The following PAX8 variants were observed in gnomAD, a reference collection of about 807,000 sequenced individuals.
The protein encoded by PAX8 is paired box protein Pax-8.
PAX8 carries 15 observed loss-of-function variants against 52.4 expected under a neutral mutation model. That is an observed-to-expected ratio of 0.29 (90% confidence interval 0.19 to 0.44). The LOEUF (loss-of-function observed/expected upper bound fraction) is 0.44, where lower values mean the gene tolerates loss of function less well. PAX8 is among the 20% of genes least tolerant of loss of function. The pLI, the probability that PAX8 is intolerant of heterozygous loss-of-function variation, is 1.00. For missense variants in PAX8, 554 were observed against 602.5 expected (o/e 0.92, Z 0.84); for synonymous variants, 284 against 249.7 (o/e 1.14, Z -1.29).
rs369162756 is a variant in PAX8, at chr2:113,244,606, G to A, written c.210C>T (p.Ser70=). ...AGCCCCCTATCACTCCAGGCCGGAT[G>A]CTGCCAGTCTCGTAGTACCTACTCC... ...KILGRYYETG[S]IRPGVIGGSK... The change falls in exon 4 of 12, where the codon AGC becomes AGT. Residue 70 remains serine (S), a synonymous_variant. Coordinates refer to ENST00000429538, the MANE Select transcript of PAX8 (RefSeq NM_003466.4). 3.7e-6 allele frequency: 6 copies of A among 1,614,180 alleles called. No individual in the cohort carries two copies. Among genetic ancestry groups the A allele is most frequent in the Non-Finnish European group, 4.2e-6 (5 of 1,180,006 alleles).
chr2:113,232,372 C>T (rs760720256), intron 9 of PAX8, among the ~76,000 whole-genome samples: 2 of 152,254 alleles, frequency 1.3e-5, no homozygotes, highest in African/African-American at 2.4e-5. Flanking sequence ...AGAGCCTCTG[C>T]CTCTGTGCTG....
At chr2:113,263,592 G>A (rs899774880) in intron 2 of PAX8, 2 of 152,226 alleles carry the variant, frequency 1.3e-5, no homozygotes, top group Non-Finnish European at 2.9e-5. Flanking sequence ...TGCCATCTCG[G>A]AGGCTCAAAT....
At chr2:113,272,559 G>A (rs542712526) in intron 2 of PAX8, 2 of 152,272 alleles carry the variant, frequency 1.3e-5, no homozygotes, top group East Asian at 3.9e-4. Context: ...CCATCCCAGG[G>A]TCACTGACCA....
intron 4 of PAX8, 106 bp from the exon 5 acceptor site, chr2:113,242,884 G>A (rs1214877741): frequency 2.5e-6 from 2 of 792,012 alleles, no homozygotes; most frequent in African/African-American, 3.4e-5. Context: ...GTATCTCCAA[G>A]GCACTTGAAA....
chr2:113,242,282 G>A (rs1310228124), intron 5 of PAX8, 152 bp from the exon 6 acceptor site: 27 of 653,220 alleles, frequency 4.1e-5, no homozygotes, highest in South Asian at 2.2e-4. Flanking sequence ...CAGCCCTGGG[G>A]TGACTCTGGG....
rs897838354 is a variant in PAX8, at chr2:113,236,519, G to A, written c.898+82C>T. 4 of 1,475,002 alleles carry A rather than the reference G, an allele frequency of 2.7e-6. No homozygotes were observed. In the African/African-American group the frequency reaches 4.2e-5, roughly 15 times the overall value. The allele number at this position is 1,475,002 out of a possible 1,614,324, so 91.4% of individuals were successfully genotyped here. A position where few individuals can be genotyped will look rare whatever the true frequency, so the allele number is the denominator to read the frequency against. On this transcript the variant is annotated intron_variant, in intron 8 of 11. Coordinates refer to ENST00000429538, the MANE Select transcript of PAX8 (RefSeq NM_003466.4). ...GCCCGCCTCTCCTCTCCAGGCCAGG[G>A]CCCCACACCTTCCGCCTGACAGCCA...
chr2:113,278,418 G>C lies in PAX8; in HGVS notation c.-24C>G, dbSNP rs751029481. ...ATCGCCGGGGAGTCGCTCGCAGCCCGCCGAGGGCTCGGGGCTTCCTCCCGT... is the reference window on the plus strand; with the variant it reads ...ATCGCCGGGGAGTCGCTCGCAGCCCCCCGAGGGCTCGGGGCTTCCTCCCGT... On this transcript the variant is annotated 5_prime_UTR_variant, in exon 2 of 12. Transcript: ENST00000429538. The C allele has an allele frequency of 9.3e-6, 15 of 1,610,432 alleles. No individual in the cohort carries two copies. The highest frequency in any genetic ancestry group is 3.3e-5 in the South Asian group (3 of 90,864).
In PAX8 at chr2:113,244,076, C is replaced by T. The variant is rs554711022; in HGVS notation, c.389+351G>A. Among the ~76,000 whole-genome samples the T allele has an allele frequency of 2.6e-5, 4 of 152,164 alleles. 1 individual carries two copies. The South Asian group carries it at 6.2e-4, about 24-fold the overall frequency. On this transcript the variant is annotated intron_variant, in intron 4 of 11. Coordinates refer to ENST00000429538, the MANE Select transcript of PAX8 (RefSeq NM_003466.4). ...GTGAGTGAATCATTGAGGGACTAAACGAATGAATGCTTGAATGTGGGCTGG... is the reference window on the plus strand; with the variant it reads ...GTGAGTGAATCATTGAGGGACTAAATGAATGAATGCTTGAATGTGGGCTGG...
chr2:113,268,754 T>G (rs1693262721), intron 2 of PAX8: 1 of 152,434 alleles, frequency 6.6e-6, no homozygotes, highest in South Asian at 2.1e-4. Flanking sequence ...AGCTGGAATG[T>G]GGGCAGCACG....
At chr2:113,264,728 T>C (rs2104577922) in intron 2 of PAX8, among the ~76,000 whole-genome samples, 1 of 152,112 alleles carries the variant, frequency 6.6e-6, no homozygotes, top group Non-Finnish European at 1.5e-5. Context: ...GCAGGTGCAG[T>C]GGGAAGTCAG....
Position 113,216,796 on chromosome 2 carries a change from A to G in PAX8, c.*1737T>C, listed in dbSNP as rs1689041957. The G allele has an allele frequency of 4.4e-6, 1 of 228,460 alleles. No homozygotes were observed. The highest frequency in any genetic ancestry group is 5.7e-5 in the Admixed American group (1 of 17,616). The allele number at this position is 228,460 out of a possible 1,614,324, so 14.2% of individuals were successfully genotyped here. A position where few individuals can be genotyped will look rare whatever the true frequency, so the allele number is the denominator to read the frequency against. ...TGATGAGGACTCTGGGGTTTTGGGTAAAAGCGTTGGGCTTAGAGTAAGAGG... is the reference window on the plus strand; with the variant it reads ...TGATGAGGACTCTGGGGTTTTGGGTGAAAGCGTTGGGCTTAGAGTAAGAGG... On this transcript the variant is annotated 3_prime_UTR_variant, in exon 12 of 12. Transcript: ENST00000429538.
At position 113,216,316 on chromosome 2, in the gene PAX8, G is replaced by A. The variant is rs1370912342; in HGVS notation, c.*2217C>T. ...CTTCCAGGAGGGTTCCCCCTGCCATGCCATCCATGGCAGCATCCCTAACCG... is the reference window on the plus strand; with the variant it reads ...CTTCCAGGAGGGTTCCCCCTGCCATACCATCCATGGCAGCATCCCTAACCG... On this transcript the variant is annotated 3_prime_UTR_variant, in exon 12 of 12. Transcript: ENST00000429538. The A allele has an allele frequency of 8.6e-6, 2 of 231,590 alleles. No individual in the cohort carries two copies. The highest frequency in any genetic ancestry group is 1.7e-5 in the Non-Finnish European group (2 of 117,060). The allele number at this position is 231,590 out of a possible 1,614,324, so 14.3% of individuals were successfully genotyped here.
rs561307430 is a variant in PAX8, at chr2:113,258,342, A to G, written c.26-11423T>C. On this transcript the variant is annotated intron_variant, in intron 2 of 11. Coordinates refer to ENST00000429538, the MANE Select transcript of PAX8 (RefSeq NM_003466.4). The stretch of plus-strand genomic sequence containing the variant: ...CCAGTCTTTCCGGCTCTGGGTTTGC[A>G]TCCCTGCCCTCAGTGTCTCCCAGTT... Among the ~76,000 whole-genome samples, 41 of 152,014 alleles carry G rather than the reference A, an allele frequency of 2.7e-4. 1 individual carries two copies. In the South Asian group the frequency reaches 7.1e-3, roughly 26 times the overall value.
At chr2:113,259,848 C>T (rs1421128790) in intron 2 of PAX8, among the ~76,000 whole-genome samples, 1 of 152,184 alleles carries the variant, frequency 6.6e-6, no homozygotes, top group Non-Finnish European at 1.5e-5. Context: ...CATCGCACAC[C>T]AGGGCTGTGG....
At chr2:113,243,007 G>A (rs1449634321) in intron 4 of PAX8, among the ~76,000 whole-genome samples, 3 of 152,176 alleles carry the variant, frequency 2.0e-5, no homozygotes, top group Non-Finnish European at 4.4e-5. Flanking sequence ...CAGAGATGGG[G>A]CTTAACCTCT....
chr2:113,278,128 C>G (rs1184515788), intron 2 of PAX8, among the ~76,000 whole-genome samples: 1 of 152,244 alleles, frequency 6.6e-6, no homozygotes, highest in African/African-American at 2.4e-5. Flanking sequence ...ATCCCCTCAC[C>G]GATCCATGTG....
chr2:113,222,367 AT>A (rs1462430832), intron 10 of PAX8, among the ~76,000 whole-genome samples: 1 of 152,198 alleles, frequency 6.6e-6, no homozygotes, highest in African/African-American at 2.4e-5. Flanking sequence ...TCATTCATGC[AT>A]TCACTCACTC....
chr2:113,231,316 C>T (rs566918644), intron 9 of PAX8, among the ~76,000 whole-genome samples: 3 of 152,224 alleles, frequency 2.0e-5, no homozygotes, highest in Non-Finnish European at 2.9e-5. Flanking sequence ...GGGACCAGGA[C>T]GGCCTCGACA....
rs1049616258 is a variant in PAX8 at position 113,218,169 on chromosome 2, T to C, written c.*364A>G. ...CCATGGAGGTGCCCTGTGCACCCCT[T>C]GGGCCCGGGCAGGAACCATTCGCCA... On this transcript the variant is annotated 3_prime_UTR_variant, in exon 12 of 12. Transcript: ENST00000429538. 7.5e-6 allele frequency: 2 copies of C among 265,942 alleles called. No individual in the cohort carries two copies. The highest frequency in any genetic ancestry group is 1.4e-5 in the Non-Finnish European group (2 of 140,596). 16.5% of individuals were successfully genotyped at this position (265,942 alleles called of 1,614,324 possible).
Sources: gnomAD v4.1 joint callset for allele counts (sites outside exome capture counted in the v4.1 genomes callset) on GRCh38, gnomAD v4.1.1 for gene constraint, MANE v1.5 for transcripts, NCBI Gene and HGNC (gene_info 2026-07-23, HGNC 2026-07-21) for gene names.